MED13L: variants seen among roughly 807,000 people sequenced by gnomAD.
MED13L encodes mediator of RNA polymerase II transcription subunit 13-like.
Under a neutral mutation model 220.9 loss-of-function variants are expected in MED13L, and 7 were observed. The ratio of observed to expected loss-of-function variants is 0.03; its 90% CI spans 0.02 to 0.06. MED13L has a LOEUF of 0.06. Ranked by LOEUF, MED13L falls within the 10% of genes least tolerant of loss-of-function variation. The pLI is 1.00. For synonymous variants in MED13L, 1,011 were observed against 1,015.2 expected (o/e 1.00, Z 0.08); for missense variants, 1,965 against 2,760.5 (o/e 0.71, Z 6.46).
intron 4 of MED13L, among the ~76,000 whole-genome samples, chr12:116,070,904 G>A (rs1407076827): frequency 6.6e-6 from 1 of 152,050 alleles, no homozygotes; most frequent in African/African-American, 2.4e-5. Flanking sequence ...ATAATTGGCA[G>A]CTAATATTTT....
intron 2 of MED13L, among the ~76,000 whole-genome samples, chr12:116,233,090 G>GAAAAAAAAAAAAAAAAAAAAAAAAAA (rs530903194): frequency 1.2e-5 from 1 of 82,950 alleles, no homozygotes; most frequent in Non-Finnish European, 2.5e-5. Flanking sequence ...CTGTCTAAAG[G>GAAAAAAAAAAAAAAAAAAAAAAAAAA]AAAAAAAAAA....
chr12:116,208,664 A>C (rs951686179), intron 2 of MED13L, among the ~76,000 whole-genome samples: 28 of 152,192 alleles, frequency 1.8e-4, no homozygotes, highest in Non-Finnish European at 3.7e-4. Context: ...CAAATATTCT[A>C]TATAAAGAAA....
In MED13L at chr12:116,015,075, A is replaced by C. The variant is rs759690444; in HGVS notation, c.1175+34T>G. 3 of 1,596,922 alleles carry C rather than the reference A, an allele frequency of 1.9e-6. No homozygotes were observed. The African/African-American group carries it at 4.0e-5, about 21-fold the overall frequency. ...GGTAGCAATCAAGGAGATGGTTACT[A>C]AACTATGATCTAGACATAATCGAGA... On this transcript the variant is annotated intron_variant, in intron 8 of 30. Transcript: ENST00000281928.
intron 2 of MED13L, among the ~76,000 whole-genome samples, chr12:116,197,434 G>A (rs757362768): frequency 5.3e-5 from 8 of 152,066 alleles, no homozygotes; most frequent in Admixed American, 1.3e-4. Flanking sequence ...TCAGTAAGAT[G>A]TTCTTCTGGG....
intron 20 of MED13L, among the ~76,000 whole-genome samples, chr12:115,983,873 G>T (rs1278214980): frequency 1.3e-5 from 2 of 152,130 alleles, no homozygotes; most frequent in African/African-American, 4.8e-5. Flanking sequence ...ATGCTCCTAG[G>T]TTTACAAGCT....
intron 28 of MED13L, among the ~76,000 whole-genome samples, chr12:115,967,959 T>A (rs1876295979): frequency 1.3e-5 from 2 of 150,978 alleles, no homozygotes; most frequent in South Asian, 4.2e-4. Context: ...CAGTCTGAGA[T>A]GCCCTCCTCT....
intron 2 of MED13L, among the ~76,000 whole-genome samples, chr12:116,157,209 T>C (rs1878507085): frequency 6.6e-6 from 1 of 152,224 alleles, no homozygotes; most frequent in African/African-American, 2.4e-5. Context: ...GCTATGCCTT[T>C]CATAATATTC....
At chr12:116,127,069 G>A (rs1486272777) in intron 2 of MED13L, among the ~76,000 whole-genome samples, 1 of 152,110 alleles carries the variant, frequency 6.6e-6, no homozygotes, top group Non-Finnish European at 1.5e-5. Context: ...TTGTCAACTG[G>A]TGCTTGAGTA....
In MED13L at chr12:116,277,006, G is replaced by C; in HGVS notation, c.72+54C>G. ...AGAAAGTTGGTCGGCGGCGGAGGTC[G>C]GGGACCCCCCCCCTTCCCCGGCACA... is the stretch of plus-strand genomic sequence containing the variant. On this transcript the variant is annotated intron_variant, in intron 1 of 30. Transcript: ENST00000281928. 2.0e-6 allele frequency: 3 copies of C among 1,490,528 alleles called. No homozygotes were observed. In the South Asian group the frequency reaches 3.6e-5, roughly 18 times the overall value. 92.3% of individuals were successfully genotyped at this position (1,490,528 alleles called of 1,614,324 possible).
chr12:116,164,720 T>C (rs966400909), intron 2 of MED13L, among the ~76,000 whole-genome samples: 6 of 152,186 alleles, frequency 3.9e-5, no homozygotes, highest in Admixed American at 1.3e-4. Context: ...TGCTAACCGA[T>C]GTCACACTGT....
chr12:116,262,675 T>C (rs997159502), intron 1 of MED13L, among the ~76,000 whole-genome samples: 1 of 152,242 alleles, frequency 6.6e-6, no homozygotes, highest in African/African-American at 2.4e-5. Flanking sequence ...GTAATTCTTC[T>C]ACTTCAAATC....
chr12:116,276,758 C>G (rs938193659), intron 1 of MED13L: 66 of 1,301,302 alleles, frequency 5.1e-5, no homozygotes, highest in African/African-American at 7.6e-5. Flanking sequence ...AGTGCGATTG[C>G]AACAGAGGGT....
chr12:116,073,522 G>C (rs565146321), intron 4 of MED13L, among the ~76,000 whole-genome samples: 2 of 152,204 alleles, frequency 1.3e-5, no homozygotes, highest in African/African-American at 4.8e-5. Flanking sequence ...GTAAAAGAGT[G>C]TAGAAATTAA....
Position 115,984,210 on chromosome 12 carries a change from G to A in MED13L, c.4501C>T (p.Leu1501Phe). ...EENDNHSRLK[L>F]YAQVCRHHLA... ...TGATGGCGGCAAACTTGCGCATAAA[G>A]TTTGAGTCTGGAATGATTGTCATTC... Residue 1501 changes from leucine to phenylalanine, a missense_variant, in exon 20 of 31, where the codon CTT becomes TTT. Coordinates refer to ENST00000281928, the MANE Select transcript of MED13L (RefSeq NM_015335.5). The A allele has an allele frequency of 1.2e-6, 2 of 1,613,936 alleles. No individual in the cohort carries two copies. Among genetic ancestry groups the A allele is most frequent in the Non-Finnish European group, 1.7e-6 (2 of 1,179,960 alleles).
At chr12:116,099,357 G>A (rs1277778744) in intron 3 of MED13L, among the ~76,000 whole-genome samples, 1 of 152,144 alleles carries the variant, frequency 6.6e-6, no homozygotes, top group Non-Finnish European at 1.5e-5. Flanking sequence ...TTGTTACATT[G>A]AAGGTATATC....
chr12:116,194,724 C>A (rs1177610519), intron 2 of MED13L, among the ~76,000 whole-genome samples: 1 of 152,096 alleles, frequency 6.6e-6, no homozygotes, highest in African/African-American at 2.4e-5. Context: ...TAAAATATGA[C>A]TGAAATATAA....
intron 2 of MED13L, among the ~76,000 whole-genome samples, chr12:116,179,986 T>C (rs1295661314): frequency 6.6e-6 from 1 of 152,226 alleles, no homozygotes; most frequent in Non-Finnish European, 1.5e-5. Flanking sequence ...TCACGTCTCA[T>C]AAATGTGAAT....
chr12:116,155,578 G>A (rs75588908), intron 2 of MED13L, among the ~76,000 whole-genome samples: 2,963 of 152,216 alleles, frequency 0.019, 55 homozygotes, highest in Middle Eastern at 0.058. Flanking sequence ...TCATGAAAAC[G>A]TTTACAACAC....
intron 23 of MED13L, among the ~76,000 whole-genome samples, chr12:115,977,962 C>A (rs1471780149): frequency 1.3e-5 from 2 of 152,058 alleles, no homozygotes; most frequent in African/African-American, 4.8e-5. Context: ...TGCCACTGCA[C>A]ACCACCCTGG....
Sources: gnomAD v4.1 joint callset for allele counts (sites outside exome capture counted in the v4.1 genomes callset) on GRCh38, gnomAD v4.1.1 for gene constraint, MANE v1.5 for transcripts, NCBI Gene and HGNC (gene_info 2026-07-23, HGNC 2026-07-21) for gene names.